The following MEI4 variants were observed in gnomAD, a reference collection of about 807,000 sequenced individuals.
MEI4 encodes the protein meiotic double-stranded break formation protein 4, also known as meiosis-specific protein MEI4.
Under a neutral mutation model 31.4 loss-of-function variants are expected in MEI4, and 27 were observed. That is an observed-to-expected ratio of 0.86 (90% CI 0.63 to 1.19). The LOEUF (loss-of-function observed/expected upper bound fraction) is 1.19. MEI4 is among the 50% of genes most tolerant of loss of function. The pLI is 0.00. For synonymous variants in MEI4, 122 were observed against 145.4 expected (o/e 0.84, Z 1.16); for missense variants, 329 against 398.9 (o/e 0.82, Z 1.49).
chr6:77,664,570 G>A lies in MEI4; in HGVS notation c.-15+11478G>A, dbSNP rs9352508. ...ATTATAGGGTGGAGGAGTGGAGGCTGAGGAAGAATTGGGACCTAGCTCGGC... is the reference window on the plus strand; with the variant it reads ...ATTATAGGGTGGAGGAGTGGAGGCTAAGGAAGAATTGGGACCTAGCTCGGC... On this transcript the variant is annotated intron_variant, in intron 1 of 4. Transcript: ENST00000684080. Among the ~76,000 whole-genome samples, 178 of 152,188 alleles carry A rather than the reference G, an allele frequency of 1.2e-3. 2 individuals carry two copies. In the East Asian group the frequency reaches 0.031, roughly 26 times the overall value.
rs1480744758 is a variant in MEI4 at position 77,925,369 on chromosome 6, A to ATACTT, written c.*2026_*2030dup. On this transcript the variant is annotated 3_prime_UTR_variant, in exon 5 of 5. Transcript: ENST00000684080. Reference sequence around the variant, plus strand: ...ACATTTAACTTCCACCAAGTATATGATACTTTAATTATCCTGGGTTTCAGT... The same window carrying ATACTT: ...ACATTTAACTTCCACCAAGTATATGATACTTTACTTTAATTATCCTGGGTTTCAGT... 9 of 151,824 alleles carry ATACTT rather than the reference A, an allele frequency of 5.9e-5. No homozygotes were observed. Among genetic ancestry groups the ATACTT allele is most frequent in the South Asian group, 2.1e-4 (1 of 4,834 alleles). 9.4% of individuals were successfully genotyped at this position (151,824 alleles called of 1,614,324 possible).
intron 4 of MEI4, among the ~76,000 whole-genome samples, chr6:77,891,653 T>G (rs745716619): frequency 3.9e-5 from 6 of 152,210 alleles, no homozygotes; most frequent in Non-Finnish European, 8.8e-5. Flanking sequence ...AACGAAGAAT[T>G]ATTGTGTTCC....
intron 2 of MEI4, among the ~76,000 whole-genome samples, chr6:77,758,465 G>A (rs1767966302): frequency 1.3e-5 from 2 of 152,128 alleles, no homozygotes; most frequent in Middle Eastern, 3.4e-3. Context: ...TTAGATTTAC[G>A]AACCATATGG....
In MEI4 at chr6:77,791,434, A is replaced by G. The variant is rs1393494039; in HGVS notation, c.768+29769A>G. Among the ~76,000 whole-genome samples the G allele has an allele frequency of 8.0e-5, 12 of 150,110 alleles. No individual in the cohort carries two copies. In the East Asian group the frequency reaches 2.2e-3, roughly 27 times the overall value. ...TTCTCAGTAAACTATCGCAAGAACA[A>G]AAAACCAAACACTGCATATTCTCAC... On this transcript the variant is annotated intron_variant, in intron 3 of 4. Transcript: ENST00000684080.
intron 4 of MEI4, among the ~76,000 whole-genome samples, chr6:77,830,536 T>C (rs570046795): frequency 6.6e-6 from 1 of 152,132 alleles, no homozygotes; most frequent in South Asian, 2.1e-4. Flanking sequence ...ACAGTTAAGA[T>C]ACTTTAAAAT....
At position 77,756,232 on chromosome 6, in the gene MEI4, A is replaced by G. The variant is rs1409892119; in HGVS notation, c.233-4898A>G. On this transcript the variant is annotated intron_variant, in intron 2 of 4. Coordinates refer to ENST00000684080, the MANE Select transcript of MEI4 (RefSeq NM_001322247.2). ...AAATCTTTATGAATAAATATTTATG[A>G]CTATTATCAGATATTATAACCCATT... Among the ~76,000 whole-genome samples, 3 of 152,210 alleles carry G rather than the reference A, an allele frequency of 2.0e-5. No individual in the cohort carries two copies. In the East Asian group the frequency reaches 5.8e-4, roughly 29 times the overall value.
chr6:77,795,778 A>G (rs1179849951), intron 3 of MEI4, among the ~76,000 whole-genome samples: 1 of 151,330 alleles, frequency 6.6e-6, no homozygotes, highest in Admixed American at 6.6e-5. Context: ...AAAAAAAAAA[A>G]CTCCCAACAA....
At chr6:77,656,731 C>G (rs1768404177) in intron 1 of MEI4, among the ~76,000 whole-genome samples, 1 of 152,034 alleles carries the variant, frequency 6.6e-6, no homozygotes, top group African/African-American at 2.4e-5. Flanking sequence ...AGATATGGCT[C>G]TAAATAATTT....
At chr6:77,921,700 T>A (rs12663901) in intron 4 of MEI4, among the ~76,000 whole-genome samples, 13,940 of 151,776 alleles carry the variant, frequency 0.092, 933 homozygotes, top group East Asian at 0.3. Flanking sequence ...AGAGGCCATT[T>A]GTAGGGTTAT....
chr6:77,726,655 G>T (rs916161892), intron 2 of MEI4, among the ~76,000 whole-genome samples: 2 of 151,872 alleles, frequency 1.3e-5, no homozygotes, highest in Non-Finnish European at 2.9e-5. Context: ...AATAGGCCTG[G>T]TGTAAAATCT....
intron 3 of MEI4, among the ~76,000 whole-genome samples, chr6:77,804,857 C>G (rs1412855609): frequency 6.6e-6 from 1 of 152,114 alleles, no homozygotes; most frequent in Non-Finnish European, 1.5e-5. Context: ...CATTGTCTGT[C>G]AATCTTATTT....
chr6:77,819,228 T>C (rs9352531), intron 3 of MEI4, among the ~76,000 whole-genome samples: 150,026 of 152,226 alleles, frequency 0.99, 73,936 homozygotes, highest in East Asian at 1. Context: ...ATATGTTTTG[T>C]GATTAATCTA....
At position 77,924,932 on chromosome 6, in the gene MEI4, T is replaced by A. The variant is rs915935536; in HGVS notation, c.*1586T>A. 6.6e-6 allele frequency: 1 copy of A among 151,904 alleles called. No homozygotes were observed. The highest frequency in any genetic ancestry group is 1.5e-5 in the Non-Finnish European group (1 of 67,910). The allele number at this position is 151,904 out of a possible 1,614,324, so 9.4% of individuals were successfully genotyped here. A position where few individuals can be genotyped will look rare whatever the true frequency, so the allele number is the denominator to read the frequency against. ...TAATTTACTTCACAACAAGTACCAG[T>A]TGAATACAAGAAGTATATTCCAAAT... On this transcript the variant is annotated 3_prime_UTR_variant, in exon 5 of 5. Coordinates refer to ENST00000684080, the MANE Select transcript of MEI4 (RefSeq NM_001322247.2).
intron 4 of MEI4, among the ~76,000 whole-genome samples, chr6:77,916,344 T>A (rs1312644535): frequency 1.3e-5 from 2 of 152,132 alleles, no homozygotes; most frequent in East Asian, 3.9e-4. Flanking sequence ...GTGTCCTTAG[T>A]TTGATATCTG....
At chr6:77,703,063 C>T (rs931244344) in intron 2 of MEI4, among the ~76,000 whole-genome samples, 10 of 152,294 alleles carry the variant, frequency 6.6e-5, no homozygotes, top group Non-Finnish European at 1.3e-4. Flanking sequence ...GTCTGTCTTC[C>T]TTGTGAGACC....
rs142943154 is a variant in MEI4 at position 77,795,796 on chromosome 6, C to T, written c.769-33135C>T. Among the ~76,000 whole-genome samples, 1,051 of 148,452 alleles carry T rather than the reference C, an allele frequency of 7.1e-3. 12 individuals are homozygous for T. Among genetic ancestry groups the T allele is most frequent in the African/African-American group, 0.024 (993 of 40,706 alleles). On this transcript the variant is annotated intron_variant, in intron 3 of 4. Coordinates refer to ENST00000684080, the MANE Select transcript of MEI4 (RefSeq NM_001322247.2). ...AAAAAAAACTCCCAACAAATAAAAA[C>T]CCAGGACCAGATGGCTTTATAGTGA...
intron 3 of MEI4, among the ~76,000 whole-genome samples, chr6:77,797,454 C>G (rs1022336126): frequency 2.0e-5 from 3 of 152,096 alleles, no homozygotes; most frequent in African/African-American, 7.2e-5. Context: ...CTTACACGAT[C>G]ATAAGGCAAA....
At chr6:77,733,105 C>T (rs1325842612) in intron 2 of MEI4, among the ~76,000 whole-genome samples, 2 of 151,818 alleles carry the variant, frequency 1.3e-5, no homozygotes, top group Non-Finnish European at 2.9e-5. Flanking sequence ...GGTTGTGTCT[C>T]TGCCAGGCTT....
At position 77,694,098 on chromosome 6, in the gene MEI4, T is replaced by C. The variant is rs186723724; in HGVS notation, c.232+3195T>C. Among the ~76,000 whole-genome samples the C allele has an allele frequency of 8.3e-4, 126 of 152,146 alleles. 1 individual carries two copies. Among genetic ancestry groups the C allele is most frequent in the African/African-American group, 3.0e-3 (124 of 41,538 alleles). On this transcript the variant is annotated intron_variant, in intron 2 of 4. Coordinates refer to ENST00000684080, the MANE Select transcript of MEI4 (RefSeq NM_001322247.2). ...ATGCTTTTTCTTTCTTTCTTTTTTT[T>C]AAATGTGAATATCAGATAAACAATG...
Sources: gnomAD v4.1 joint callset for allele counts (sites outside exome capture counted in the v4.1 genomes callset) on GRCh38, gnomAD v4.1.1 for gene constraint, MANE v1.5 for transcripts, NCBI Gene and HGNC (gene_info 2026-07-23, HGNC 2026-07-21) for gene names.